BRINP3: variants seen among roughly 807,000 people sequenced by gnomAD.
BRINP3 encodes BMP/retinoic acid inducible neural specific 3.
Under a neutral mutation model 71.0 loss-of-function variants are expected in BRINP3, and 19 were observed. The observed-to-expected ratio is 0.27, with a 90% confidence interval of 0.19 to 0.39. The LOEUF is 0.39. BRINP3 is among the 10% of genes least tolerant of loss of function. The probability of loss-of-function intolerance (pLI) is 1.00; values close to 1 mark genes in which losing one functional copy is unlikely to be tolerated. For synonymous variants in BRINP3, 380 were observed against 337.7 expected (o/e 1.13, Z -1.37); for missense variants, 959 against 940.8 (o/e 1.02, Z -0.25).
chr1:190,166,319 CTATTT>C (rs1651534621), intron 6 of BRINP3, among the ~76,000 whole-genome samples: 1 of 152,150 alleles, frequency 6.6e-6, no homozygotes, highest in African/African-American at 2.4e-5. Flanking sequence ...CTGTTTCTCA[CTATTT>C]TATTTTTCTC....
chr1:190,208,845 T>C (rs2102642542), intron 6 of BRINP3, among the ~76,000 whole-genome samples: 1 of 152,236 alleles, frequency 6.6e-6, no homozygotes, highest in Middle Eastern at 3.4e-3. Context: ...TTACTTAATA[T>C]ATCTATTGTA....
At chr1:190,453,141 A>G (rs1160914231) in intron 2 of BRINP3, among the ~76,000 whole-genome samples, 1 of 150,242 alleles carries the variant, frequency 6.7e-6, no homozygotes, top group African/African-American at 2.4e-5. Flanking sequence ...ATAAAAATAA[A>G]TGAACCCAGA....
At chr1:190,163,069 C>T (rs917373976) in intron 6 of BRINP3, among the ~76,000 whole-genome samples, 2 of 151,934 alleles carry the variant, frequency 1.3e-5, no homozygotes, top group Non-Finnish European at 2.9e-5. Flanking sequence ...AGAAGACCCC[C>T]GGAAATATTC....
In BRINP3 at chr1:190,115,524, C is replaced by T. The variant is rs141425248; in HGVS notation, c.1185-16390G>A. ...ATCTATAAATTGACAAATATTTCTA[C>T]GTCCCAGGTTTTCTACGGTATCTTT... is the stretch of plus-strand genomic sequence containing the variant. On this transcript the variant is annotated intron_variant, in intron 7 of 7. Coordinates refer to ENST00000367462, the MANE Select transcript of BRINP3 (RefSeq NM_199051.3). Among the ~76,000 whole-genome samples, 650 of 152,216 alleles carry T rather than the reference C, an allele frequency of 4.3e-3. 6 individuals carry two copies. Among genetic ancestry groups the T allele is most frequent in the Non-Finnish European group, 6.7e-3 (458 of 67,990 alleles).
chr1:190,315,955 A>G (rs1158011895), intron 2 of BRINP3, among the ~76,000 whole-genome samples: 1 of 152,052 alleles, frequency 6.6e-6, no homozygotes, highest in Non-Finnish European at 1.5e-5. Context: ...CAAACAGATG[A>G]TATATGGGAA....
rs184887913 is a variant in BRINP3, at chr1:190,157,908, A to G, written c.1184+2760T>C. Among the ~76,000 whole-genome samples the G allele has an allele frequency of 6.6e-5, 10 of 152,258 alleles. No individual in the cohort carries two copies. In the East Asian group the frequency reaches 1.7e-3, roughly 26 times the overall value. Reference sequence around the variant, plus strand: ...TGGACTGGATAAAAAAATATGGTACATACATGCCATGGAATACCACATAGC... The same window carrying G: ...TGGACTGGATAAAAAAATATGGTACGTACATGCCATGGAATACCACATAGC... On this transcript the variant is annotated intron_variant, in intron 7 of 7. Coordinates refer to ENST00000367462, the MANE Select transcript of BRINP3 (RefSeq NM_199051.3).
chr1:190,187,134 A>T (rs765684457), intron 6 of BRINP3, among the ~76,000 whole-genome samples: 1 of 152,144 alleles, frequency 6.6e-6, no homozygotes, highest in Non-Finnish European at 1.5e-5. Context: ...AGTGATGTTG[A>T]CCATTTAATT....
intron 2 of BRINP3, among the ~76,000 whole-genome samples, chr1:190,402,319 A>G (rs904500116): frequency 6.6e-6 from 1 of 152,200 alleles, no homozygotes; most frequent in Non-Finnish European, 1.5e-5. Context: ...TCAAAATTAT[A>G]GAAATATATG....
chr1:190,348,920 T>C lies in BRINP3; in HGVS notation c.237-67170A>G, dbSNP rs566625629. 1.4e-3 allele frequency among the ~76,000 whole-genome samples: 207 copies of C among 152,260 alleles called. 1 individual carries two copies. Among genetic ancestry groups the C allele is most frequent in the African/African-American group, 4.8e-3 (199 of 41,566 alleles). ...CTATTTTATAACACAACGCAACTTGTTCTTCAATAAATACCAGATTATCTT... is the reference window on the plus strand; with the variant it reads ...CTATTTTATAACACAACGCAACTTGCTCTTCAATAAATACCAGATTATCTT... On this transcript the variant is annotated intron_variant, in intron 2 of 7. Coordinates refer to ENST00000367462, the MANE Select transcript of BRINP3 (RefSeq NM_199051.3).
intron 1 of BRINP3, among the ~76,000 whole-genome samples, chr1:190,469,879 T>A (rs1227547706): frequency 6.6e-6 from 1 of 151,230 alleles, no homozygotes; most frequent in East Asian, 1.9e-4. Context: ...TAATATGATA[T>A]TTGAATAAAC....
At chr1:190,327,243 A>G (rs1000588554) in intron 2 of BRINP3, among the ~76,000 whole-genome samples, 14 of 137,798 alleles carry the variant, frequency 1.0e-4, no homozygotes, top group African/African-American at 3.7e-4. Context: ...TGAACCCAGG[A>G]GGCGGAGGTT....
Position 190,256,173 on chromosome 1 carries a change from G to A in BRINP3, c.618+8692C>T, listed in dbSNP as rs1366886796. On this transcript the variant is annotated intron_variant, in intron 4 of 7. Coordinates refer to ENST00000367462, the MANE Select transcript of BRINP3 (RefSeq NM_199051.3). ...TCTGTTCTTTTCCATTTGCTGAGGA[G>A]TTCTTTACTTCCAACTCTGTGGTCA... 3.9e-5 allele frequency among the ~76,000 whole-genome samples: 6 copies of A among 152,178 alleles called. No individual in the cohort carries two copies. The East Asian group carries it at 1.2e-3, about 29-fold the overall frequency.
intron 2 of BRINP3, among the ~76,000 whole-genome samples, chr1:190,330,509 G>A (rs1482111046): frequency 1.3e-5 from 2 of 152,026 alleles, no homozygotes. Flanking sequence ...TGAAGAAAGA[G>A]GAATACTTAC....
At chr1:190,313,522 T>C (rs759836270) in intron 2 of BRINP3, among the ~76,000 whole-genome samples, 1 of 152,028 alleles carries the variant, frequency 6.6e-6, no homozygotes, top group Non-Finnish European at 1.5e-5. Context: ...GCAACCTATG[T>C]GATTTTAACA....
intron 6 of BRINP3, among the ~76,000 whole-genome samples, chr1:190,197,444 C>T (rs952319451): frequency 2.6e-5 from 4 of 152,154 alleles, no homozygotes; most frequent in Non-Finnish European, 4.4e-5. Flanking sequence ...CAATTCCCTT[C>T]CATCTATGAG....
intron 6 of BRINP3, among the ~76,000 whole-genome samples, chr1:190,204,881 T>G (rs1655356612): frequency 6.6e-6 from 1 of 152,090 alleles, no homozygotes; most frequent in African/African-American, 2.4e-5. Context: ...TGTGATAGAT[T>G]TAATGAATAT....
chr1:190,209,580 A>G (rs1655808154), intron 6 of BRINP3, among the ~76,000 whole-genome samples: 1 of 152,166 alleles, frequency 6.6e-6, no homozygotes, highest in Non-Finnish European at 1.5e-5. Flanking sequence ...TATTTGCTGA[A>G]GAGCATGAGT....
intron 2 of BRINP3, among the ~76,000 whole-genome samples, chr1:190,326,812 T>C (rs976015978): frequency 1.5e-4 from 23 of 151,924 alleles, no homozygotes; most frequent in Non-Finnish European, 2.4e-4. Flanking sequence ...GTACCAAACA[T>C]GTAAACAAAA....
At chr1:190,325,640 T>C (rs1460618382) in intron 2 of BRINP3, among the ~76,000 whole-genome samples, 2 of 152,078 alleles carry the variant, frequency 1.3e-5, no homozygotes, top group Non-Finnish European at 2.9e-5. Context: ...CTTGAGTTAC[T>C]TGACAATATT....
Sources: allele counts gnomAD v4.1 joint callset (sites outside exome capture counted in the v4.1 genomes callset), GRCh38; gene constraint gnomAD v4.1.1; transcripts MANE v1.5; gene names NCBI Gene and HGNC (gene_info 2026-07-23, HGNC 2026-07-21).